Variants in MEIS1 observed in about 807,000 individuals in gnomAD.
The protein encoded by MEIS1 is Meis homeobox 1, also known as homeobox protein Meis1.
In MEIS1, 5 loss-of-function variants were observed where a neutral mutation model predicts 50.8. The ratio of observed to expected loss-of-function variants is 0.10; its 90% CI spans 0.05 to 0.21. MEIS1 has a LOEUF of 0.21. MEIS1 is among the 10% of genes least tolerant of loss of function. The pLI, the probability that MEIS1 is intolerant of heterozygous loss-of-function variation, is 1.00. For missense variants in MEIS1, 318 were observed against 517.3 expected (o/e 0.61, Z 3.74); for synonymous variants, 176 against 179.3 (o/e 0.98, Z 0.15).
At chr2:66,553,910 A>G (rs942571374) in intron 9 of MEIS1, among the ~76,000 whole-genome samples, 3 of 152,164 alleles carry the variant, frequency 2.0e-5, no homozygotes, top group Non-Finnish European at 4.4e-5. Flanking sequence ...TGCCCCTTCC[A>G]CCATGGGGCC....
At chr2:66,559,904 C>T (rs1340245004) in intron 9 of MEIS1, among the ~76,000 whole-genome samples, 1 of 152,068 alleles carries the variant, frequency 6.6e-6, no homozygotes. Flanking sequence ...TTAAGCAATC[C>T]TCCCACTTCA....
intron 9 of MEIS1, among the ~76,000 whole-genome samples, chr2:66,560,161 T>C (rs565445632): frequency 1.3e-5 from 2 of 151,466 alleles, no homozygotes; most frequent in South Asian, 2.1e-4. Context: ...TCAAGGAAAA[T>C]TTTCTGTAAT....
rs980066450 is a variant in MEIS1 at position 66,437,336 on chromosome 2, G to A, written c.13-401G>A. On this transcript the variant is annotated intron_variant, in intron 1 of 12. Transcript: ENST00000272369. ...TGTGAAGGGGCTGTGAAACTAGGCGGGTTTGCTGCAGTGTCCTGGCACGTT... is the reference window on the plus strand; with the variant it reads ...TGTGAAGGGGCTGTGAAACTAGGCGAGTTTGCTGCAGTGTCCTGGCACGTT... 16 of 165,146 alleles carry A rather than the reference G, an allele frequency of 9.7e-5. No homozygotes were observed. In the East Asian group the frequency reaches 2.6e-3, roughly 27 times the overall value. The allele number at this position is 165,146 out of a possible 1,614,324, so 10.2% of individuals were successfully genotyped here. A position where few individuals can be genotyped will look rare whatever the true frequency, so the allele number is the denominator to read the frequency against.
At chr2:66,441,198 G>C (rs1269243709) in intron 4 of MEIS1, among the ~76,000 whole-genome samples, 1 of 152,070 alleles carries the variant, frequency 6.6e-6, no homozygotes, top group African/African-American at 2.4e-5. Flanking sequence ...TCCTCACTTA[G>C]ATGCTGTGTT....
intron 6 of MEIS1, among the ~76,000 whole-genome samples, chr2:66,451,844 A>G (rs1400451743): frequency 6.6e-6 from 1 of 151,930 alleles, no homozygotes; most frequent in Non-Finnish European, 1.5e-5. Flanking sequence ...CAAACTAGCT[A>G]GTGCAGGTGG....
chr2:66,438,398 A>T (rs1041817713), intron 2 of MEIS1, among the ~76,000 whole-genome samples: 1 of 152,200 alleles, frequency 6.6e-6, no homozygotes, highest in African/African-American at 2.4e-5. Flanking sequence ...TGCTGAGTTT[A>T]CTCAGCAGCC....
At position 66,573,575 on chromosome 2, in the gene MEIS1, A is replaced by T. The variant is rs1675519778; in HGVS notation, c.*2367A>T. On this transcript the variant is annotated 3_prime_UTR_variant, in exon 13 of 13. Transcript: ENST00000272369. ...TTACTAGGTGATGTGTGATTGACTG[A>T]CTCACCTGCTGGAGTAGCAATGCAT... is the stretch of plus-strand genomic sequence containing the variant. 1 of 152,028 alleles carries T rather than the reference A, an allele frequency of 6.6e-6. No homozygotes were observed. The highest frequency in any genetic ancestry group is 2.4e-5 in the African/African-American group (1 of 41,368). The allele number at this position is 152,028 out of a possible 1,614,324, so 9.4% of individuals were successfully genotyped here. A position where few individuals can be genotyped will look rare whatever the true frequency, so the allele number is the denominator to read the frequency against.
intron 7 of MEIS1, among the ~76,000 whole-genome samples, chr2:66,471,278 G>T (rs1672755581): frequency 6.6e-6 from 1 of 152,136 alleles, no homozygotes; most frequent in African/African-American, 2.4e-5. Context: ...ATTTATGTGT[G>T]AATTCATGGT....
At chr2:66,453,660 A>C (rs1416082004) in intron 6 of MEIS1, among the ~76,000 whole-genome samples, 1 of 151,974 alleles carries the variant, frequency 6.6e-6, no homozygotes, top group Non-Finnish European at 1.5e-5. Context: ...TGTTGTAAAA[A>C]ATATAAAAAA....
At chr2:66,561,403 T>C (rs1382185808) in intron 9 of MEIS1, among the ~76,000 whole-genome samples, 1 of 152,210 alleles carries the variant, frequency 6.6e-6, no homozygotes, top group Non-Finnish European at 1.5e-5. Context: ...AGATTTTTCA[T>C]GAGGTTTAAA....
intron 8 of MEIS1, among the ~76,000 whole-genome samples, chr2:66,536,382 T>C (rs1441905951): frequency 3.9e-5 from 6 of 152,220 alleles, no homozygotes. Context: ...CAGGAAACTG[T>C]TAGCTAAAAA....
intron 8 of MEIS1, among the ~76,000 whole-genome samples, chr2:66,545,324 T>G (rs748607635): frequency 6.6e-6 from 1 of 152,212 alleles, no homozygotes; most frequent in African/African-American, 2.4e-5. Flanking sequence ...GCTTGTGTAC[T>G]TCAGTGTACA....
At chr2:66,493,663 T>C (rs1673327649) in intron 7 of MEIS1, among the ~76,000 whole-genome samples, 1 of 152,174 alleles carries the variant, frequency 6.6e-6, no homozygotes, top group South Asian at 2.1e-4. Context: ...TTAATTTCCA[T>C]TTATTACAAA....
At chr2:66,522,022 A>G (rs903587165) in intron 8 of MEIS1, among the ~76,000 whole-genome samples, 2 of 152,166 alleles carry the variant, frequency 1.3e-5, no homozygotes, top group Non-Finnish European at 2.9e-5. Context: ...ATGGGTGGGC[A>G]TTTATCTTTG....
chr2:66,515,857 A>T (rs995150477), intron 8 of MEIS1, among the ~76,000 whole-genome samples: 1 of 152,206 alleles, frequency 6.6e-6, no homozygotes, highest in Non-Finnish European at 1.5e-5. Context: ...AATTATTGCA[A>T]ACAATTAAAA....
chr2:66,571,277 C>T lies in MEIS1; in HGVS notation c.*69C>T. 1.9e-6 allele frequency: 3 copies of T among 1,594,918 alleles called. No homozygotes were observed. The highest frequency in any genetic ancestry group is 1.7e-6 in the Non-Finnish European group (2 of 1,170,578). On this transcript the variant is annotated 3_prime_UTR_variant, in exon 13 of 13. Transcript: ENST00000272369. ...AAAGTATGCCAGGGGAGTATGTAGC[C>T]CGGGGTGGTCCAATGGGTGTGAGTA...
intron 6 of MEIS1, chr2:66,443,349 T>C (rs905358293): frequency 4.9e-5 from 15 of 304,298 alleles, no homozygotes; most frequent in Middle Eastern, 9.0e-4. Flanking sequence ...GAGTGTTAAC[T>C]GCCAGTGACC....
At chr2:66,442,237 T>C (rs1206452285) in intron 5 of MEIS1, among the ~76,000 whole-genome samples, 2 of 147,998 alleles carry the variant, frequency 1.4e-5, no homozygotes, top group African/African-American at 2.5e-5. Context: ...GCACTTACAC[T>C]TAAATATTTT....
At chr2:66,438,036 G>T in intron 2 of MEIS1, 73 bp downstream of exon 2, 1 of 1,328,776 alleles carries the variant, frequency 7.5e-7, no homozygotes. Flanking sequence ...CTTGGTAAGA[G>T]GAAAGTCAGA....
Sources: gnomAD v4.1 joint callset for allele counts (sites outside exome capture counted in the v4.1 genomes callset) on GRCh38, gnomAD v4.1.1 for gene constraint, MANE v1.5 for transcripts, NCBI Gene and HGNC (gene_info 2026-07-23, HGNC 2026-07-21) for gene names.